Variants in MBD5 observed in about 807,000 individuals in gnomAD.
MBD5 encodes the protein methyl-CpG binding domain protein 5.
A neutral mutation model predicts 117.3 loss-of-function variants in MBD5; 13 were observed. The ratio of observed to expected loss-of-function variants is 0.11; its 90% CI spans 0.07 to 0.18. The LOEUF is 0.18. Ranked by LOEUF, MBD5 falls within the 10% of genes least tolerant of loss-of-function variation. The pLI, the probability that MBD5 is intolerant of heterozygous loss-of-function variation, is 1.00. For synonymous variants in MBD5, 727 were observed against 766.4 expected (o/e 0.95, Z 0.85); for missense variants, 1,879 against 2,093.8 (o/e 0.90, Z 2.00).
At chr2:148,422,028 G>A (rs1203158042) in intron 4 of MBD5, among the ~76,000 whole-genome samples, 1 of 152,214 alleles carries the variant, frequency 6.6e-6, no homozygotes, top group Non-Finnish European at 1.5e-5. Context: ...AAATGTCCCT[G>A]CCTGACAGCT....
At chr2:148,096,824 A>G (rs1009259544) in intron 1 of MBD5, among the ~76,000 whole-genome samples, 1 of 152,178 alleles carries the variant, frequency 6.6e-6, no homozygotes, top group Admixed American at 6.5e-5. Flanking sequence ...CATATTATCA[A>G]TGTTTATTCA....
At chr2:148,476,624 A>G (rs1680973226) in intron 8 of MBD5, among the ~76,000 whole-genome samples, 2 of 152,182 alleles carry the variant, frequency 1.3e-5, no homozygotes, top group African/African-American at 4.8e-5. Context: ...TCAAAAATAT[A>G]CTAGTTGGGG....
At chr2:148,074,388 G>A (rs1340054315) in intron 1 of MBD5, among the ~76,000 whole-genome samples, 2 of 151,846 alleles carry the variant, frequency 1.3e-5, no homozygotes, top group African/African-American at 2.4e-5. Context: ...AGTCTAATGT[G>A]AGCATTCTGG....
At chr2:148,207,941 C>G (rs1477117198) in intron 2 of MBD5, among the ~76,000 whole-genome samples, 1 of 152,162 alleles carries the variant, frequency 6.6e-6, no homozygotes, top group Non-Finnish European at 1.5e-5. Flanking sequence ...CAAATTACCA[C>G]AAACCTGGTG....
chr2:148,249,627 T>C (rs1700419213), intron 3 of MBD5, among the ~76,000 whole-genome samples: 1 of 152,216 alleles, frequency 6.6e-6, no homozygotes, highest in African/African-American at 2.4e-5. Context: ...GAATTACCAC[T>C]GATAGTTTTC....
intron 4 of MBD5, among the ~76,000 whole-genome samples, chr2:148,356,433 C>T (rs1703382017): frequency 6.6e-6 from 1 of 152,000 alleles, no homozygotes; most frequent in Non-Finnish European, 1.5e-5. Context: ...CTGTCACTCT[C>T]CCCCACTGGA....
At chr2:148,174,200 G>A (rs1698328335) in intron 1 of MBD5, among the ~76,000 whole-genome samples, 1 of 152,174 alleles carries the variant, frequency 6.6e-6, no homozygotes, top group South Asian at 2.1e-4. Context: ...ATAAACAATG[G>A]CAAAGGATAG....
chr2:148,348,972 C>T (rs1397747183), intron 4 of MBD5, among the ~76,000 whole-genome samples: 3 of 151,844 alleles, frequency 2.0e-5, no homozygotes, highest in African/African-American at 7.3e-5. Flanking sequence ...TAGTCAGGCT[C>T]AACTAGAAAC....
intron 4 of MBD5, among the ~76,000 whole-genome samples, chr2:148,371,705 T>C (rs1703857221): frequency 6.6e-6 from 1 of 152,172 alleles, no homozygotes; most frequent in Admixed American, 6.5e-5. Context: ...ATCATTTTCT[T>C]ATACTTAACG....
At chr2:148,356,332 A>G (rs2105271002) in intron 4 of MBD5, among the ~76,000 whole-genome samples, 1 of 152,118 alleles carries the variant, frequency 6.6e-6, no homozygotes, top group Non-Finnish European at 1.5e-5. Flanking sequence ...CCATGCCTGG[A>G]ATTTTTGCTC....
At chr2:148,040,321 CA>C (rs1308212107) in intron 1 of MBD5, among the ~76,000 whole-genome samples, 1 of 152,122 alleles carries the variant, frequency 6.6e-6, no homozygotes, top group Admixed American at 6.5e-5. Context: ...TGTGTGACTG[CA>C]CTCCAGCCTT....
chr2:148,343,938 T>TA, intron 4 of MBD5, among the ~76,000 whole-genome samples: 1 of 152,210 alleles, frequency 6.6e-6, no homozygotes, highest in East Asian at 1.9e-4. Context: ...TCTTATAGTT[T>TA]GAGTTCTTAC....
At position 148,118,530 on chromosome 2, in the gene MBD5, G is replaced by A. The variant is rs867945496; in HGVS notation, c.-924-60170G>A. ...AGGCTCAGGCGGGAGAATCTCTTAA[G>A]CCCAGGAGTTCAAAGTTGCAGTGAG... is the stretch of plus-strand genomic sequence containing the variant. On this transcript the variant is annotated intron_variant, in intron 1 of 13. Transcript: ENST00000642680. 9.9e-5 allele frequency among the ~76,000 whole-genome samples: 15 copies of A among 151,648 alleles called. No homozygotes were observed. The South Asian group carries it at 2.1e-3, about 21-fold the overall frequency.
At position 148,430,425 on chromosome 2, in the gene MBD5, T is replaced by A. The variant is rs1452617279; in HGVS notation, c.-556-27778T>A. The stretch of plus-strand genomic sequence containing the variant: ...TTTTCAATTTCATATGTTGTTTTTT[T>A]AAAAAATGTGTATCTATAATTCCTA... On this transcript the variant is annotated intron_variant, in intron 4 of 13. Coordinates refer to ENST00000642680, the MANE Select transcript of MBD5 (RefSeq NM_001378120.1). Among the ~76,000 whole-genome samples, 3 of 152,164 alleles carry A rather than the reference T, an allele frequency of 2.0e-5. No individual in the cohort carries two copies. The East Asian group carries it at 5.8e-4, about 29-fold the overall frequency.
At chr2:148,267,777 A>C (rs1222292185) in intron 3 of MBD5, among the ~76,000 whole-genome samples, 1 of 151,906 alleles carries the variant, frequency 6.6e-6, no homozygotes, top group Non-Finnish European at 1.5e-5. Flanking sequence ...GACTTGGGGT[A>C]GGTATCTAAT....
chr2:148,277,328 C>A (rs116304589), intron 3 of MBD5, among the ~76,000 whole-genome samples: 4 of 152,150 alleles, frequency 2.6e-5, no homozygotes, highest in African/African-American at 9.6e-5. Flanking sequence ...CACTAGGAAG[C>A]ATATCGTAGA....
rs764452827 is a variant in MBD5, at chr2:148,476,545, G to A, written c.2518+6084G>A. ...TAGCACTCACATATATAAGCTAACA[G>A]AAAGAGCTTCCACAAAATACTACCC... is the stretch of plus-strand genomic sequence containing the variant. On this transcript the variant is annotated intron_variant, in intron 8 of 13. Coordinates refer to ENST00000642680, the MANE Select transcript of MBD5 (RefSeq NM_001378120.1). 4.6e-5 allele frequency among the ~76,000 whole-genome samples: 7 copies of A among 152,250 alleles called. No homozygotes were observed. In the South Asian group the frequency reaches 1.5e-3, roughly 32 times the overall value.
chr2:148,327,165 T>G (rs901271601), intron 3 of MBD5, among the ~76,000 whole-genome samples: 8 of 152,136 alleles, frequency 5.3e-5, no homozygotes, highest in Non-Finnish European at 8.8e-5. Flanking sequence ...AATATTGGCC[T>G]GAACTCTCTT....
intron 1 of MBD5, among the ~76,000 whole-genome samples, chr2:148,118,939 C>A (rs1198298689): frequency 6.6e-6 from 1 of 152,144 alleles, no homozygotes; most frequent in Non-Finnish European, 1.5e-5. Flanking sequence ...AGTTGATGGG[C>A]ATTCGAGTTG....
Sources: gnomAD v4.1 joint callset for allele counts (sites outside exome capture counted in the v4.1 genomes callset) on GRCh38, gnomAD v4.1.1 for gene constraint, MANE v1.5 for transcripts, NCBI Gene and HGNC (gene_info 2026-07-23, HGNC 2026-07-21) for gene names.